The following SH3RF3 variants were observed in gnomAD, a reference collection of about 807,000 sequenced individuals.
The protein encoded by SH3RF3 is SH3 domain containing ring finger 3.
In SH3RF3, 29 loss-of-function variants were observed where a neutral mutation model predicts 66.3. The ratio of observed to expected loss-of-function variants is 0.44; its 90% CI spans 0.33 to 0.60. The LOEUF (loss-of-function observed/expected upper bound fraction) is 0.60, where lower values mean the gene tolerates loss of function less well. Ranked by LOEUF, SH3RF3 falls within the 20% of genes least tolerant of loss-of-function variation. SH3RF3 has a pLI of 0.04. For synonymous variants in SH3RF3, 583 were observed against 532.0 expected, an observed-to-expected ratio of 1.10 and a Z score of -1.32; for missense variants, 1,194 against 1,190.9, an observed-to-expected ratio of 1.00 and a Z score of -0.04.
chr2:109,390,039 A>G (rs909657438), intron 3 of SH3RF3, among the ~76,000 whole-genome samples: 1 of 152,150 alleles, frequency 6.6e-6, no homozygotes, highest in African/African-American at 2.4e-5. Context: ...CTCAGGTTAA[A>G]AATGGCCAGA....
chr2:109,256,914 C>A (rs72937595), intron 1 of SH3RF3, among the ~76,000 whole-genome samples: 2,858 of 152,246 alleles, frequency 0.019, 96 homozygotes, highest in African/African-American at 0.065. Flanking sequence ...ATGTGTTTTT[C>A]ATGAACGGTG....
chr2:109,216,214 A>G (rs1404066407), intron 1 of SH3RF3, among the ~76,000 whole-genome samples: 1 of 152,004 alleles, frequency 6.6e-6, no homozygotes, highest in Non-Finnish European at 1.5e-5. Context: ...CATTGCATCT[A>G]CTGTTGCCTC....
At chr2:109,494,798 T>C (rs1206761530) in intron 9 of SH3RF3, among the ~76,000 whole-genome samples, 2 of 152,098 alleles carry the variant, frequency 1.3e-5, no homozygotes, top group Admixed American at 6.5e-5. Flanking sequence ...CTTGGGCCTT[T>C]CCTGTGCCCA....
At chr2:109,404,001 T>A (rs2104459064) in intron 4 of SH3RF3, among the ~76,000 whole-genome samples, 1 of 152,220 alleles carries the variant, frequency 6.6e-6, no homozygotes, top group Admixed American at 6.5e-5. Context: ...AATCAGGGAA[T>A]GAATCACCAG....
chr2:109,130,633 C>T (rs1417926500), intron 1 of SH3RF3, among the ~76,000 whole-genome samples: 1 of 152,114 alleles, frequency 6.6e-6, no homozygotes, highest in Non-Finnish European at 1.5e-5. Flanking sequence ...TTCTAGTAGT[C>T]TGGAAGGAGT....
At chr2:109,227,974 TG>T (rs1679410931) in intron 1 of SH3RF3, among the ~76,000 whole-genome samples, 1 of 152,188 alleles carries the variant, frequency 6.6e-6, no homozygotes, top group African/African-American at 2.4e-5. Flanking sequence ...TCAAGGGGCA[TG>T]GGATTTACAT....
intron 4 of SH3RF3, among the ~76,000 whole-genome samples, chr2:109,410,237 G>A (rs1676553551): frequency 6.6e-6 from 1 of 152,216 alleles, no homozygotes; most frequent in Admixed American, 6.5e-5. Flanking sequence ...GGAATTTGAT[G>A]AAACACATCG....
In SH3RF3 at chr2:109,158,167, C is replaced by T. The variant is rs1178653019; in HGVS notation, c.573+28054C>T. 1.3e-5 allele frequency among the ~76,000 whole-genome samples: 2 copies of T among 152,114 alleles called. 1 individual carries two copies. The highest frequency in any genetic ancestry group is 2.9e-5 in the Non-Finnish European group (2 of 68,006). Reference sequence around the variant, plus strand: ...ACTGTGACCCAGGCATGTCAGACTTCAAAACACACGACTGCAAGCTGTGCT... The same window carrying T: ...ACTGTGACCCAGGCATGTCAGACTTTAAAACACACGACTGCAAGCTGTGCT... On this transcript the variant is annotated intron_variant, in intron 1 of 9. Coordinates refer to ENST00000309415, the MANE Select transcript of SH3RF3 (RefSeq NM_001099289.3).
At chr2:109,197,218 G>A (rs531014239) in intron 1 of SH3RF3, among the ~76,000 whole-genome samples, 1 of 152,298 alleles carries the variant, frequency 6.6e-6, no homozygotes, top group South Asian at 2.1e-4. Flanking sequence ...ACTCACTGCA[G>A]AATCTCAGGG....
intron 1 of SH3RF3, among the ~76,000 whole-genome samples, chr2:109,200,031 G>A (rs1678631293): frequency 6.6e-6 from 1 of 151,934 alleles, no homozygotes; most frequent in Non-Finnish European, 1.5e-5. Context: ...GTGATGCATG[G>A]GACAGCCCCC....
chr2:109,432,371 A>T, intron 5 of SH3RF3, 130 bp from the exon 6 acceptor site: 1 of 1,165,158 alleles, frequency 8.6e-7, no homozygotes, highest in Non-Finnish European at 1.2e-6. Context: ...TAAACTGCAG[A>T]GCCCCCATAG....
chr2:109,349,703 C>G (rs1682798133), intron 2 of SH3RF3, among the ~76,000 whole-genome samples: 2 of 152,234 alleles, frequency 1.3e-5, no homozygotes, highest in Admixed American at 6.5e-5. Flanking sequence ...GGAGGAGGCT[C>G]TCCACTCGGG....
In SH3RF3 at chr2:109,186,737, G is replaced by A. The variant is rs183339623; in HGVS notation, c.573+56624G>A. On this transcript the variant is annotated intron_variant, in intron 1 of 9. Coordinates refer to ENST00000309415, the MANE Select transcript of SH3RF3 (RefSeq NM_001099289.3). ...CTTTGAGGTAACCATTTTTCTTGGG[G>A]TACTCTGAGGACTGGGCAGCATGTG... Among the ~76,000 whole-genome samples, 1,286 of 152,252 alleles carry A rather than the reference G, an allele frequency of 8.4e-3. 5 individuals carry two copies. The highest frequency in any genetic ancestry group is 0.014 in the Non-Finnish European group (985 of 68,024).
At chr2:109,373,640 T>A (rs1433015458) in intron 3 of SH3RF3, among the ~76,000 whole-genome samples, 1 of 152,028 alleles carries the variant, frequency 6.6e-6, no homozygotes, top group Non-Finnish European at 1.5e-5. Context: ...GTAGTGACCT[T>A]GGGGATTCTG....
Position 109,267,967 on chromosome 2 carries a change from G to C in SH3RF3, c.574-79707G>C, listed in dbSNP as rs1021757775. On this transcript the variant is annotated intron_variant, in intron 1 of 9. Transcript: ENST00000309415. ...AGAGGACAGAGCACCCCAGCTCTCA[G>C]CCCTGCTGCAGTTGTGCGGGTGAAA... is the stretch of plus-strand genomic sequence containing the variant. 1.4e-3 allele frequency among the ~76,000 whole-genome samples: 220 copies of C among 151,990 alleles called. 3 individuals are homozygous for C. The highest frequency in any genetic ancestry group is 3.7e-4 in the Non-Finnish European group (25 of 68,008).
intron 1 of SH3RF3, among the ~76,000 whole-genome samples, chr2:109,336,952 G>A (rs2105511155): frequency 6.6e-6 from 1 of 152,266 alleles, no homozygotes; most frequent in Admixed American, 6.5e-5. Context: ...TCCTCTGTGG[G>A]CAGCAAATTG....
intron 8 of SH3RF3, among the ~76,000 whole-genome samples, chr2:109,483,296 T>C (rs1364468516): frequency 6.6e-6 from 1 of 152,242 alleles, no homozygotes; most frequent in Non-Finnish European, 1.5e-5. Flanking sequence ...TAAGTCCCCG[T>C]TTCTTTCTTC....
At chr2:109,382,165 G>A (rs192484968) in intron 3 of SH3RF3, among the ~76,000 whole-genome samples, 1 of 152,336 alleles carries the variant, frequency 6.6e-6, no homozygotes, top group Admixed American at 6.5e-5. Flanking sequence ...TATTGTTAGG[G>A]AGTTTAGCAA....
intron 4 of SH3RF3, among the ~76,000 whole-genome samples, chr2:109,412,054 C>T (rs1189561252): frequency 1.3e-5 from 2 of 152,200 alleles, no homozygotes; most frequent in African/African-American, 2.4e-5. Context: ...CTGAGCCCTC[C>T]CGAGCCTCCT....
Sources: gnomAD v4.1 joint callset for allele counts (sites outside exome capture counted in the v4.1 genomes callset) on GRCh38, gnomAD v4.1.1 for gene constraint, MANE v1.5 for transcripts, NCBI Gene and HGNC (gene_info 2026-07-23, HGNC 2026-07-21) for gene names.